The following TRPV1 variants were observed in gnomAD, a reference collection of about 807,000 sequenced individuals.
TRPV1 encodes OTRPC1.
A neutral mutation model predicts 82.3 loss-of-function variants in TRPV1; 82 were observed. That is an observed-to-expected ratio of 1.00 (90% CI 0.83 to 1.20). The LOEUF is 1.20. Ranked by LOEUF, TRPV1 falls within the 50% of genes most tolerant of loss-of-function variation. The pLI, the probability that TRPV1 is intolerant of heterozygous loss-of-function variation, is 0.00. For synonymous variants in TRPV1, 515 were observed against 467.7 expected (o/e 1.10, Z -1.30); for missense variants, 1,067 against 1,096.8 (o/e 0.97, Z 0.38).
chr17:3,569,598 C>G (rs1335933957), intron 16 of TRPV1, among the ~76,000 whole-genome samples: 2 of 152,172 alleles, frequency 1.3e-5, no homozygotes, highest in Non-Finnish European at 2.9e-5. Context: ...AAGAAGAAAT[C>G]AAAAGCTGGG....
At chr17:3,577,818 C>T (rs2074955249) in intron 11 of TRPV1, 55 bp from the exon 12 acceptor site, 1 of 1,532,300 alleles carries the variant, frequency 6.5e-7, no homozygotes, top group Non-Finnish European at 8.8e-7. Flanking sequence ...GGCCTGGCAC[C>T]CCCAGAACAA....
intron 5 of TRPV1, among the ~76,000 whole-genome samples, 171 bp from the exon 6 acceptor site, chr17:3,590,563 C>G: frequency 6.6e-6 from 1 of 152,144 alleles, no homozygotes; most frequent in East Asian, 1.9e-4. Context: ...CCCAAGGGGT[C>G]CCAGCAAGGT....
In TRPV1 at chr17:3,566,910, G is replaced by A. The variant is rs1175279506; in HGVS notation, c.2425C>T (p.Gln809Ter). The change falls in exon 17 of 17, where the codon CAG becomes TAG. Residue 809 changes from glutamine (Q) to a stop codon, truncating the protein, a stop_gained. Coordinates refer to ENST00000572705, the MANE Select transcript of TRPV1 (RefSeq NM_080704.4). LOFTEE classifies it high-confidence loss of function. ...TGTCGCAGATAAACTTCCTCGGGCT[G>A]AGCAGACTGCCTATCTCGAGCACTT... ...EASARDRQSA[Q>*]PEEVYLRQFS... is the part of the protein sequence containing the mutation. The A allele has an allele frequency of 2.5e-6, 4 of 1,613,874 alleles. No homozygotes were observed. Among genetic ancestry groups the A allele is most frequent in the Non-Finnish European group, 3.4e-6 (4 of 1,179,896 alleles).
intron 8 of TRPV1, 70 bp from the exon 9 acceptor site, chr17:3,585,996 T>G (rs532960770): frequency 3.2e-6 from 5 of 1,584,812 alleles, no homozygotes; most frequent in South Asian, 1.1e-5. Flanking sequence ...CACCAGCCCG[T>G]GGTGCCCCTC....
Position 3,566,938 on chromosome 17 carries a change from C to G in TRPV1, c.2397G>C (p.Glu799Asp), listed in dbSNP as rs1386646298. 6.2e-7 allele frequency: 1 copy of G among 1,614,002 alleles called. No homozygotes were observed. The change falls in exon 17 of 17, where the codon GAG becomes GAC. Residue 799 changes from glutamate (E) to aspartate (D), a missense_variant. Physicochemically the swap from Glu to Asp is conservative, Grantham distance 45. Coordinates refer to ENST00000572705, the MANE Select transcript of TRPV1 (RefSeq NM_080704.4). ...KNFALVPLLREASARDRQSAQ... is the reference protein window; with the variant it reads ...KNFALVPLLRDASARDRQSAQ... ...CAGACTGCCTATCTCGAGCACTTGCCTCTCTTAAAAGGGGGACCAGGGCAA... is the reference window on the plus strand; with the variant it reads ...CAGACTGCCTATCTCGAGCACTTGCGTCTCTTAAAAGGGGGACCAGGGCAA...
At chr17:3,576,668 A>AAAAAAAAAATATATATATAT in intron 13 of TRPV1, among the ~76,000 whole-genome samples, 23 of 38,414 alleles carry the variant, frequency 6.0e-4, no homozygotes, top group Non-Finnish European at 4.7e-4. Context: ...AAAAAAAAAA[A>AAAAAAAAAATATATATATAT]ATATATATAT....
Position 3,573,846 on chromosome 17 carries a change from G to A in TRPV1, c.1890C>T (p.Ser630=), listed in dbSNP as rs1052672321. Residue 630 remains serine, a synonymous_variant, in exon 14 of 17, where the codon AGC becomes AGT. Transcript: ENST00000572705. ...ACAGCTCCAGGCAGGTGGAGTACAG[G>A]CTGTTGTAGGAGCTATCGGGGGGCC... ...ACRPPDSSYN[S]LYSTCLELFK... is the part of the protein sequence containing the mutation. 1 of 1,613,700 alleles carries A rather than the reference G, an allele frequency of 6.2e-7. No individual in the cohort carries two copies. The highest frequency in any genetic ancestry group is 8.5e-7 in the Non-Finnish European group (1 of 1,179,848).
chr17:3,567,227 G>A (rs966532257), intron 16 of TRPV1, among the ~76,000 whole-genome samples: 37 of 151,074 alleles, frequency 2.4e-4, no homozygotes, highest in Non-Finnish European at 4.7e-4. Context: ...AAAATTGGCC[G>A]GGCATAGTGG....
chr17:3,590,666 A>C (rs1421905145), intron 5 of TRPV1, among the ~76,000 whole-genome samples: 2 of 152,256 alleles, frequency 1.3e-5, no homozygotes, highest in African/African-American at 4.8e-5. Flanking sequence ...CAGCAGAGAG[A>C]AAGGCCAGAG....
Position 3,605,464 on chromosome 17 carries a change from C to T in TRPV1, c.-34+2963G>A, listed in dbSNP as rs903373167. ...GGCTGAGGTTGTAGTAAGCTGAGATCGCACCACTGCACTCCAGCCTGGGTA... is the reference window on the plus strand; with the variant it reads ...GGCTGAGGTTGTAGTAAGCTGAGATTGCACCACTGCACTCCAGCCTGGGTA... On this transcript the variant is annotated intron_variant, in intron 2 of 16. Coordinates refer to ENST00000572705, the MANE Select transcript of TRPV1 (RefSeq NM_080704.4). Among the ~76,000 whole-genome samples the T allele has an allele frequency of 1.3e-4, 20 of 151,578 alleles. No homozygotes were observed. The East Asian group carries it at 1.4e-3, about 10-fold the overall frequency.
Position 3,573,806 on chromosome 17 carries a change from C to T in TRPV1, c.1930G>A (p.Gly644Ser), listed in dbSNP as rs201057823. The change falls in exon 14 of 17, where the codon GGC (glycine) becomes AGC (serine). Residue 644 changes from glycine to serine, a missense_variant. Physicochemically the swap from Gly to Ser is moderately conservative, Grantham distance 56. Coordinates refer to ENST00000572705, the MANE Select transcript of TRPV1 (RefSeq NM_080704.4). ...TCLELFKFTI[G>S]MGDLEFTENY... Reference sequence around the variant, plus strand: ...TCAGTGAACTCCAGGTCGCCCATGCCGATGGTGAACTTGAACAGCTCCAGG... The same window carrying T: ...TCAGTGAACTCCAGGTCGCCCATGCTGATGGTGAACTTGAACAGCTCCAGG... 31 of 1,613,684 alleles carry T rather than the reference C, an allele frequency of 1.9e-5. No homozygotes were observed. Among genetic ancestry groups the T allele is most frequent in the East Asian group, 1.1e-4 (5 of 44,874 alleles).
chr17:3,577,520 C>T (rs1049700826), intron 12 of TRPV1, 78 bp downstream of exon 12: 11 of 1,476,722 alleles, frequency 7.4e-6, no homozygotes, highest in Admixed American at 2.0e-5. Flanking sequence ...AGAGGATGGG[C>T]GGAGTTCTTG....
chr17:3,567,183 C>A (rs4790523), intron 16 of TRPV1, among the ~76,000 whole-genome samples, 196 bp from the exon 17 acceptor site: 28,456 of 148,376 alleles, frequency 0.19, 3,278 homozygotes, highest in East Asian at 0.46. Flanking sequence ...CATGGTGAAA[C>A]CCCATCTCTA....
In TRPV1 at chr17:3,580,471, G is replaced by A. The variant is rs774541325; in HGVS notation, c.1533C>T (p.Tyr511=). The change falls in exon 11 of 17, where the codon TAC becomes TAT. Residue 511 remains tyrosine, a synonymous_variant. Transcript: ENST00000572705. ...GTGTCACTTACAAAAGCATCTCACTGTAGCTGTCCACAAACAGGGTCTTCA... is the reference window on the plus strand; with the variant it reads ...GTGTCACTTACAAAAGCATCTCACTATAGCTGTCCACAAACAGGGTCTTCA... ...PSMKTLFVDS[Y]SEMLFFLQSL... 6.2e-7 allele frequency: 1 copy of A among 1,614,046 alleles called. No homozygotes were observed. Among genetic ancestry groups the A allele is most frequent in the Admixed American group, 1.7e-5 (1 of 60,008 alleles).
At chr17:3,584,726 G>C (rs575734912) in intron 9 of TRPV1, among the ~76,000 whole-genome samples, 1 of 152,086 alleles carries the variant, frequency 6.6e-6, no homozygotes, top group East Asian at 1.9e-4. Flanking sequence ...AACCCGGGAG[G>C]TGGAGGTTGC....
At chr17:3,567,369 C>CAAAAAAA (rs56391405) in intron 16 of TRPV1, among the ~76,000 whole-genome samples, 1 of 52,798 alleles carries the variant, frequency 1.9e-5, no homozygotes, top group African/African-American at 7.4e-5. Context: ...AACTCCGTCT[C>CAAAAAAA]AAAAAAAAAA....
In TRPV1 at chr17:3,599,821, A is replaced by G. The variant is rs1009253052; in HGVS notation, c.-33-7438T>C. Among the ~76,000 whole-genome samples, 139 of 152,056 alleles carry G rather than the reference A, an allele frequency of 9.1e-4. 1 individual carries two copies. Among genetic ancestry groups the G allele is most frequent in the African/African-American group, 2.8e-3 (118 of 41,466 alleles). On this transcript the variant is annotated intron_variant, in intron 2 of 16. Coordinates refer to ENST00000572705, the MANE Select transcript of TRPV1 (RefSeq NM_080704.4). ...TTTTTAGTAGAAATGGGGTTTCACC[A>G]TGTTGGCCAGGCGGGTCTCGATCTC...
At chr17:3,588,999 A>C in intron 7 of TRPV1, 1 of 1,529,320 alleles carries the variant, frequency 6.5e-7, no homozygotes, top group Non-Finnish European at 8.8e-7. Context: ...AATGCAAGAA[A>C]TGAGAGCCAG....
intron 14 of TRPV1, 48 bp from the exon 15 acceptor site, chr17:3,572,297 T>C: frequency 6.4e-7 from 1 of 1,560,280 alleles, no homozygotes; most frequent in South Asian, 1.2e-5. Flanking sequence ...AGAGGGTGCA[T>C]CCCGGGGCCA....
Sources: allele counts gnomAD v4.1 joint callset (sites outside exome capture counted in the v4.1 genomes callset), GRCh38; gene constraint gnomAD v4.1.1; transcripts MANE v1.5; gene names NCBI Gene and HGNC (gene_info 2026-07-23, HGNC 2026-07-21).